The following SLC30A9 variants were observed in gnomAD, a reference collection of about 807,000 sequenced individuals.
The protein encoded by SLC30A9 is proton-coupled zinc antiporter SLC30A9, mitochondrial.
In SLC30A9, 58 loss-of-function variants were observed where a neutral mutation model predicts 87.5. That is an observed-to-expected ratio of 0.66 (90% CI 0.54 to 0.82). SLC30A9 has a LOEUF of 0.82. Among genes scored for constraint, SLC30A9 ranks in the 40% least tolerant of loss-of-function variants. SLC30A9 has a pLI of 0.00. For missense variants in SLC30A9, 557 were observed against 679.1 expected (o/e 0.82, Z 2.00); for synonymous variants, 234 against 233.0 (o/e 1.00, Z -0.04).
intron 7 of SLC30A9, among the ~76,000 whole-genome samples, chr4:42,038,416 A>G (rs1470780616): frequency 5.3e-5 from 8 of 152,174 alleles, no homozygotes; most frequent in Admixed American, 5.2e-4. Flanking sequence ...TATTGTTCCC[A>G]TAATAATTTC....
intron 8 of SLC30A9, among the ~76,000 whole-genome samples, chr4:42,042,845 G>A (rs1716979536): frequency 1.3e-5 from 2 of 152,176 alleles, no homozygotes; most frequent in Non-Finnish European, 2.9e-5. Flanking sequence ...ACATCTGGCA[G>A]GTGCTCCTCT....
In SLC30A9 at chr4:42,060,082, G is replaced by A. The variant is rs376418027; in HGVS notation, c.841-109G>A. On this transcript the variant is annotated intron_variant, in intron 9 of 17. Coordinates refer to ENST00000264451, the MANE Select transcript of SLC30A9 (RefSeq NM_006345.4). ...TTGCTGGGTCATTGGACATGCATAT[G>A]TTGAGTGTTTCTTTGTCATTGTTAG... 6.2e-6 allele frequency: 5 copies of A among 805,050 alleles called. No individual in the cohort carries two copies. In the East Asian group the frequency reaches 1.2e-4, roughly 20 times the overall value. The allele number at this position is 805,050 out of a possible 1,614,324, so 49.9% of individuals were successfully genotyped here.
intron 6 of SLC30A9, among the ~76,000 whole-genome samples, chr4:42,034,299 C>G (rs1212504473): frequency 6.6e-6 from 1 of 152,150 alleles, no homozygotes; most frequent in Non-Finnish European, 1.5e-5. Context: ...AATTTACCAT[C>G]TTAACCATTT....
chr4:42,033,516 C>T (rs565983886), intron 6 of SLC30A9, among the ~76,000 whole-genome samples: 39 of 152,116 alleles, frequency 2.6e-4, no homozygotes, highest in African/African-American at 7.2e-4. Flanking sequence ...TTTAAAAAAA[C>T]GTACACATTT....
At chr4:42,042,415 G>C (rs1716959403) in intron 8 of SLC30A9, among the ~76,000 whole-genome samples, 2 of 152,130 alleles carry the variant, frequency 1.3e-5, no homozygotes, top group South Asian at 4.1e-4. Flanking sequence ...ACTGAGGCTT[G>C]AGTAGGCAGT....
chr4:41,996,510 A>C (rs1460320892), intron 1 of SLC30A9, among the ~76,000 whole-genome samples: 1 of 149,856 alleles, frequency 6.7e-6, no homozygotes, highest in Non-Finnish European at 1.5e-5. Context: ...AGGCCAAGGT[A>C]GGTAGATAAC....
intron 4 of SLC30A9, among the ~76,000 whole-genome samples, chr4:42,022,589 G>A (rs1444971151): frequency 1.3e-5 from 2 of 152,138 alleles, no homozygotes; most frequent in East Asian, 1.9e-4. Context: ...AAGTACTGGT[G>A]AGGGAAGTGA....
At chr4:42,043,217 C>T (rs900506035) in intron 8 of SLC30A9, among the ~76,000 whole-genome samples, 6 of 152,126 alleles carry the variant, frequency 3.9e-5, no homozygotes, top group South Asian at 2.1e-4. Flanking sequence ...CAAAACTGGA[C>T]GGAGAATGAG....
rs1417970672 is a variant in SLC30A9, at chr4:42,090,375, C to T, written c.*4249C>T. 2 of 152,170 alleles carry T rather than the reference C, an allele frequency of 1.3e-5. No individual in the cohort carries two copies. Among genetic ancestry groups the T allele is most frequent in the African/African-American group, 4.8e-5 (2 of 41,448 alleles). The allele number at this position is 152,170 out of a possible 1,614,324, so 9.4% of individuals were successfully genotyped here. A position where few individuals can be genotyped will look rare whatever the true frequency, so the allele number is the denominator to read the frequency against. ...ATTCGTTATATTGTATTTCATCTGT[C>T]TGATTTCCCTGGCACATTAAGATGG... is the stretch of plus-strand genomic sequence containing the variant. On this transcript the variant is annotated 3_prime_UTR_variant, in exon 18 of 18. Transcript: ENST00000264451.
At position 41,998,469 on chromosome 4, in the gene SLC30A9, T is replaced by TG. The variant is rs1366563479; in HGVS notation, c.110-3147_110-3146insG. ...TTAATGAATTCAGTAATTCTTTTTTTTTGTTTGTTTTTGAGATGGAGTTTT... is the reference window on the plus strand; with the variant it reads ...TTAATGAATTCAGTAATTCTTTTTTTGTTGTTTGTTTTTGAGATGGAGTTTT... On this transcript the variant is annotated intron_variant, in intron 1 of 17. Transcript: ENST00000264451. 6.1e-4 allele frequency among the ~76,000 whole-genome samples: 92 copies of TG among 151,734 alleles called. 2 individuals carry two copies. The highest frequency in any genetic ancestry group is 1.8e-3 in the African/African-American group (73 of 41,422).
At chr4:42,032,253 G>A (rs2153136676) in intron 6 of SLC30A9, among the ~76,000 whole-genome samples, 1 of 151,212 alleles carries the variant, frequency 6.6e-6, no homozygotes, top group South Asian at 2.1e-4. Flanking sequence ...ATTTCAATTT[G>A]ACATGAGATT....
At chr4:42,072,183 G>A (rs1298379557) in intron 15 of SLC30A9, among the ~76,000 whole-genome samples, 2 of 152,026 alleles carry the variant, frequency 1.3e-5, no homozygotes, top group Non-Finnish European at 2.9e-5. Context: ...TGTAGCTAAA[G>A]GTTTGTTCAT....
chr4:42,050,495 A>G (rs1367420633), intron 9 of SLC30A9, among the ~76,000 whole-genome samples: 1 of 152,170 alleles, frequency 6.6e-6, no homozygotes, highest in Non-Finnish European at 1.5e-5. Context: ...TAGTTTCAAT[A>G]TTAGTTTTTA....
At chr4:42,070,395 G>A (rs1718262255) in intron 14 of SLC30A9, 131 bp from the exon 15 acceptor site, 6 of 632,246 alleles carry the variant, frequency 9.5e-6, no homozygotes, top group Middle Eastern at 8.8e-4. Flanking sequence ...GTTGTTAAAG[G>A]AAGTAATTAA....
chr4:42,048,247 T>G (rs1451261389), intron 8 of SLC30A9, among the ~76,000 whole-genome samples: 1 of 151,990 alleles, frequency 6.6e-6, no homozygotes, highest in Non-Finnish European at 1.5e-5. Flanking sequence ...AAATAAACAT[T>G]GTTTAAAAAA....
At chr4:42,077,406 T>C (rs1195780906) in intron 16 of SLC30A9, among the ~76,000 whole-genome samples, 2 of 152,040 alleles carry the variant, frequency 1.3e-5, no homozygotes, top group African/African-American at 4.8e-5. Context: ...TTTTATTGCA[T>C]TGTATTATTA....
At chr4:42,035,355 T>A in intron 7 of SLC30A9, 22 bp downstream of exon 7, 1 of 1,597,066 alleles carries the variant, frequency 6.3e-7, no homozygotes, top group Non-Finnish European at 8.5e-7. Context: ...TTTGTAATAA[T>A]GTGTGTGTTT....
At chr4:42,018,491 C>T in intron 3 of SLC30A9, 1 of 1,135,498 alleles carries the variant, frequency 8.8e-7, no homozygotes, top group South Asian at 1.7e-5. Context: ...TCAGCTACTG[C>T]TTATTCAAAT....
chr4:42,021,196 T>C (rs558326477), intron 4 of SLC30A9, among the ~76,000 whole-genome samples: 36 of 152,312 alleles, frequency 2.4e-4, no homozygotes, highest in South Asian at 1.7e-3. Flanking sequence ...AATTATAATA[T>C]TGATTTAGTT....
Sources: gnomAD v4.1 joint callset for allele counts (sites outside exome capture counted in the v4.1 genomes callset) on GRCh38, gnomAD v4.1.1 for gene constraint, MANE v1.5 for transcripts, NCBI Gene and HGNC (gene_info 2026-07-23, HGNC 2026-07-21) for gene names.